The following TNFRSF19 variants were observed in gnomAD, a reference collection of about 807,000 sequenced individuals.
TNFRSF19 encodes the protein TNF receptor superfamily member 19, also known as tumor necrosis factor receptor superfamily member 19.
Under a neutral mutation model 46.4 loss-of-function variants are expected in TNFRSF19, and 27 were observed. The ratio of observed to expected loss-of-function variants is 0.58; its 90% CI spans 0.43 to 0.80. TNFRSF19 has a LOEUF of 0.80. Among genes scored for constraint, TNFRSF19 ranks in the 30% least tolerant of loss-of-function variants. The pLI is 0.00. For synonymous variants in TNFRSF19, 204 were observed against 205.0 expected (o/e 1.00, Z 0.04); for missense variants, 511 against 530.8 (o/e 0.96, Z 0.37).
chr13:23,593,253 G>A lies in TNFRSF19; in HGVS notation c.70-92G>A, dbSNP rs79789272. 6,423 of 670,062 alleles carry A rather than the reference G, an allele frequency of 9.6e-3. 223 individuals carry two copies. Among genetic ancestry groups the A allele is most frequent in the East Asian group, 0.087 (3,120 of 35,724 alleles). 41.5% of individuals were successfully genotyped at this position (670,062 alleles called of 1,614,324 possible). On this transcript the variant is annotated intron_variant, in intron 2 of 9. Coordinates refer to ENST00000248484, the MANE Select transcript of TNFRSF19 (RefSeq NM_148957.4). Reference sequence around the variant, plus strand: ...GAACTGATATTTACATTCAGTGATTGTGTGACTAATATTGAAAATATTGTT... The same window carrying A: ...GAACTGATATTTACATTCAGTGATTATGTGACTAATATTGAAAATATTGTT...
chr13:23,658,128 C>G (rs1347779394), intron 5 of TNFRSF19, among the ~76,000 whole-genome samples: 1 of 152,146 alleles, frequency 6.6e-6, no homozygotes, highest in Non-Finnish European at 1.5e-5. Context: ...TTTAACTGCA[C>G]TAGATATAGA....
intron 3 of TNFRSF19, among the ~76,000 whole-genome samples, chr13:23,610,148 C>T (rs1593253154): frequency 6.6e-6 from 1 of 152,204 alleles, no homozygotes; most frequent in Non-Finnish European, 1.5e-5. Flanking sequence ...CAGTTAATAA[C>T]GCACTGGCTG....
chr13:23,639,724 C>A (rs2138333240), intron 5 of TNFRSF19, among the ~76,000 whole-genome samples: 1 of 152,292 alleles, frequency 6.6e-6, no homozygotes, highest in South Asian at 2.1e-4. Flanking sequence ...CCTGACCCGG[C>A]CCTGGAGGGA....
intron 1 of TNFRSF19, among the ~76,000 whole-genome samples, 160 bp downstream of exon 1, chr13:23,571,008 G>T (rs888322446): frequency 2.0e-5 from 3 of 152,200 alleles, no homozygotes; most frequent in African/African-American, 7.2e-5. Context: ...CTGAATGTGT[G>T]TATCAGAGTA....
At chr13:23,646,022 A>T (rs1249568668) in intron 5 of TNFRSF19, among the ~76,000 whole-genome samples, 1 of 152,156 alleles carries the variant, frequency 6.6e-6, no homozygotes, top group African/African-American at 2.4e-5. Flanking sequence ...CTCACAATCC[A>T]TCAGTGTATC....
At chr13:23,579,490 GCTCCGGCCCGGACCTGCAGC>G (rs1176349790) in intron 1 of TNFRSF19, 6 of 152,524 alleles carry the variant, frequency 3.9e-5, no homozygotes, top group African/African-American at 1.4e-4. Flanking sequence ...TGAGCCTCGG[GCTCCGGCCCGGACCTGCAGC>G]CTCCCAGGTG....
In TNFRSF19 at chr13:23,668,695, C is replaced by T. The variant is rs781345372; in HGVS notation, c.843C>T (p.Asn281=). 8.7e-6 allele frequency: 14 copies of T among 1,611,598 alleles called. No homozygotes were observed. Among genetic ancestry groups the T allele is most frequent in the East Asian group, 2.2e-5 (1 of 44,880 alleles). Residue 281 remains asparagine (N), a synonymous_variant, in exon 9 of 10, where the codon AAC becomes AAT. Transcript: ENST00000248484. ...GTTCTTTTGAACGTGTGTGCAGAAA[C>T]GCAGGCCCAGCCGGGGAGATGGTGC... ...VHSAASLQAR[N]AGPAGEMVPT... is the part of the protein sequence containing the mutation.
chr13:23,616,494 A>G (rs1365092098), intron 4 of TNFRSF19, among the ~76,000 whole-genome samples: 2 of 152,198 alleles, frequency 1.3e-5, no homozygotes, highest in South Asian at 2.1e-4. Context: ...TGCTTTACAT[A>G]CTTGGGCTAT....
At chr13:23,613,950 T>A (rs1881075367) in intron 3 of TNFRSF19, among the ~76,000 whole-genome samples, 1 of 152,214 alleles carries the variant, frequency 6.6e-6, no homozygotes, top group Non-Finnish European at 1.5e-5. Flanking sequence ...GGATGCTTTT[T>A]GCAAAAATTA....
chr13:23,615,012 T>C (rs940702041), intron 3 of TNFRSF19, among the ~76,000 whole-genome samples: 9 of 152,306 alleles, frequency 5.9e-5, no homozygotes, highest in African/African-American at 2.2e-4. Context: ...CCCATAAATG[T>C]TGGTACTTAC....
chr13:23,655,763 GTTTTGT>G (rs569750843), intron 5 of TNFRSF19, among the ~76,000 whole-genome samples: 250 of 148,984 alleles, frequency 1.7e-3, no homozygotes, highest in South Asian at 3.6e-3. Context: ...TTTTGGTTTT[GTTTTGT>G]TTTTGTTTTT....
Position 23,622,011 on chromosome 13 carries a change from G to A in TNFRSF19, c.360-4696G>A, listed in dbSNP as rs118153760. ...GATACTGTTGATAGCTGCTCTCAGA[G>A]CTAGGTCTGAGCATCACCTCTTCAT... On this transcript the variant is annotated intron_variant, in intron 4 of 9. Coordinates refer to ENST00000248484, the MANE Select transcript of TNFRSF19 (RefSeq NM_148957.4). 5.9e-3 allele frequency among the ~76,000 whole-genome samples: 900 copies of A among 152,088 alleles called. 2 individuals carry two copies. The highest frequency in any genetic ancestry group is 8.7e-3 in the Non-Finnish European group (590 of 67,970).
chr13:23,637,649 A>G (rs1294213681), intron 5 of TNFRSF19, among the ~76,000 whole-genome samples: 2 of 151,654 alleles, frequency 1.3e-5, no homozygotes, highest in Non-Finnish European at 3.0e-5. Context: ...CAAACTGTGC[A>G]CAGATATACA....
chr13:23,617,989 T>G (rs1486399263), intron 4 of TNFRSF19, among the ~76,000 whole-genome samples: 1 of 151,980 alleles, frequency 6.6e-6, no homozygotes, highest in African/African-American at 2.4e-5. Flanking sequence ...AGAGAGGAGA[T>G]AAAGCTCTGG....
chr13:23,595,342 A>C (rs1879639852), intron 3 of TNFRSF19, among the ~76,000 whole-genome samples: 1 of 152,216 alleles, frequency 6.6e-6, no homozygotes, highest in African/African-American at 2.4e-5. Flanking sequence ...AACCCAATGC[A>C]AGGAAGCTAA....
chr13:23,647,164 T>C (rs912839480), intron 5 of TNFRSF19, among the ~76,000 whole-genome samples: 1 of 152,234 alleles, frequency 6.6e-6, no homozygotes, highest in African/African-American at 2.4e-5. Context: ...GAGCTCTTTA[T>C]ATATTCTGGA....
chr13:23,578,110 G>A (rs1318737430), intron 1 of TNFRSF19, among the ~76,000 whole-genome samples: 3 of 152,158 alleles, frequency 2.0e-5, no homozygotes, highest in South Asian at 2.1e-4. Flanking sequence ...AGATGCCCTC[G>A]GGAGATCCAG....
intron 1 of TNFRSF19, among the ~76,000 whole-genome samples, chr13:23,586,559 G>A (rs183153077): frequency 1.3e-3 from 193 of 152,360 alleles, no homozygotes; most frequent in Middle Eastern, 6.8e-3. Context: ...TTCCCCGGCA[G>A]TGCTCCCCTG....
chr13:23,659,261 T>G lies in TNFRSF19; in HGVS notation c.610+47T>G, dbSNP rs1429530131. 6.4e-7 allele frequency: 1 copy of G among 1,559,406 alleles called. No individual in the cohort carries two copies. The highest frequency in any genetic ancestry group is 1.2e-5 in the South Asian group (1 of 83,264). ...TTTCTTAGCATTTAGGGGAAGGGCA[T>G]TTATTACTATTGTCGTGCAAGTGTT... On this transcript the variant is annotated intron_variant, in intron 6 of 9. Coordinates refer to ENST00000248484, the MANE Select transcript of TNFRSF19 (RefSeq NM_148957.4). The surrounding 1 kb of genome is among the most constrained non-coding windows in gnomAD (Gnocchi z 4.9).
Sources: allele counts gnomAD v4.1 joint callset (sites outside exome capture counted in the v4.1 genomes callset), GRCh38; gene constraint gnomAD v4.1.1; non-coding constraint Gnocchi (gnomAD v3.1); transcripts MANE v1.5; gene names NCBI Gene and HGNC (gene_info 2026-07-23, HGNC 2026-07-21).